The following RNPEP variants were observed in gnomAD, a reference collection of about 807,000 sequenced individuals.
RNPEP encodes arginyl aminopeptidase.
In RNPEP, 57 loss-of-function variants were observed where a neutral mutation model predicts 70.1. The observed-to-expected ratio is 0.81, with a 90% CI of 0.66 to 1.01. RNPEP has a LOEUF of 1.01. RNPEP is among the 50% of genes least tolerant of loss of function. The probability of loss-of-function intolerance (pLI) is 0.00; values close to 1 mark genes in which losing one functional copy is unlikely to be tolerated. For missense variants in RNPEP, 787 were observed against 852.4 expected, an observed-to-expected ratio of 0.92 and a Z score of 0.96; for synonymous variants, 335 against 357.4, an observed-to-expected ratio of 0.94 and a Z score of 0.71.
At chr1:201,994,069 C>T (rs570740633) in intron 3 of RNPEP, among the ~76,000 whole-genome samples, 1 of 152,258 alleles carries the variant, frequency 6.6e-6, no homozygotes, top group Non-Finnish European at 1.5e-5. Flanking sequence ...TCTTCTGCCC[C>T]CATTGACCCT....
intron 3 of RNPEP, among the ~76,000 whole-genome samples, chr1:201,991,407 G>T (rs6691786): frequency 3.9e-5 from 6 of 152,252 alleles, no homozygotes; most frequent in East Asian, 3.9e-4. Context: ...CCACCACGCC[G>T]GGCCGTGGGG....
chr1:202,003,163 C>G lies in RNPEP; in HGVS notation c.1427-74C>G, dbSNP rs768125784. On this transcript the variant is annotated intron_variant, in intron 8 of 10. Coordinates refer to ENST00000295640, the MANE Select transcript of RNPEP (RefSeq NM_020216.4). Reference sequence around the variant, plus strand: ...TGGAGAGAGGAGAAACTTGAGGTCTCTGGGAGTTGCTTAAACCAGTTGACC... The same window carrying G: ...TGGAGAGAGGAGAAACTTGAGGTCTGTGGGAGTTGCTTAAACCAGTTGACC... The G allele has an allele frequency of 9.5e-6, 10 of 1,052,864 alleles. No individual in the cohort carries two copies. In the South Asian group the frequency reaches 1.6e-4, roughly 16 times the overall value. The allele number at this position is 1,052,864 out of a possible 1,614,324, so 65.2% of individuals were successfully genotyped here. A position where few individuals can be genotyped will look rare whatever the true frequency, so the allele number is the denominator to read the frequency against.
At chr1:202,005,406 A>C in intron 10 of RNPEP, 152 bp from the exon 11 acceptor site, 1 of 784,460 alleles carries the variant, frequency 1.3e-6, no homozygotes, top group Middle Eastern at 3.9e-4. Flanking sequence ...GAATTAGAGC[A>C]CTTCTGATGA....
Position 202,003,442 on chromosome 1 carries a change from G to T in RNPEP, c.1632G>T (p.Gln544His). Residue 544 changes from glutamine (Q) to histidine (H), a missense_variant, in exon 9 of 11, where the codon CAG becomes CAT. Transcript: ENST00000295640. ...TCTACTTCCTGGATAAGATCCTCCA[G>T]AAATCCCCTCTCCCTCCTGGTAAGA... The part of the protein sequence containing the change: ...QLVYFLDKIL[Q>H]KSPLPPGNVK... 1 of 1,613,460 alleles carries T rather than the reference G, an allele frequency of 6.2e-7. No individual in the cohort carries two copies. The highest frequency in any genetic ancestry group is 8.5e-7 in the Non-Finnish European group (1 of 1,179,548).
chr1:202,002,165 C>CT (rs112152568), intron 8 of RNPEP, among the ~76,000 whole-genome samples: 37,065 of 138,036 alleles, frequency 0.27, 5,371 homozygotes, highest in South Asian at 0.5. Flanking sequence ...CTTTTCTTTT[C>CT]TTTTTTTTTT....
At chr1:201,990,227 T>A (rs2102966453) in intron 3 of RNPEP, among the ~76,000 whole-genome samples, 1 of 152,328 alleles carries the variant, frequency 6.6e-6, no homozygotes, top group East Asian at 1.9e-4. Context: ...TTGTACCAAA[T>A]CTTCCCCATT....
At chr1:202,000,893 TA>T (rs35891956) in intron 6 of RNPEP, 46,520 of 134,082 alleles carry the variant, frequency 0.35, 8,329 homozygotes, top group Admixed American at 0.43. Context: ...GACTCCGTCT[TA>T]AAAAAAAAAA....
At chr1:201,992,482 C>T (rs1182722230) in intron 3 of RNPEP, among the ~76,000 whole-genome samples, 1 of 152,112 alleles carries the variant, frequency 6.6e-6, no homozygotes, top group East Asian at 1.9e-4. Flanking sequence ...GCCCCTTGTC[C>T]TCATTCATCC....
At chr1:201,989,311 C>A in intron 2 of RNPEP, 72 bp from the exon 3 acceptor site, 2 of 1,549,588 alleles carry the variant, frequency 1.3e-6, no homozygotes, top group South Asian at 1.2e-5. Context: ...GGTGGCCGGT[C>A]ATGCTCTTAT....
intron 1 of RNPEP, among the ~76,000 whole-genome samples, chr1:201,984,562 C>T (rs1375430471): frequency 6.6e-6 from 1 of 152,072 alleles, no homozygotes; most frequent in African/African-American, 2.4e-5. Flanking sequence ...CCTTTCACAG[C>T]CTGATAACAC....
intron 1 of RNPEP, among the ~76,000 whole-genome samples, chr1:201,987,230 C>G (rs1416934448): frequency 2.6e-5 from 4 of 152,090 alleles, no homozygotes; most frequent in Non-Finnish European, 2.9e-5. Flanking sequence ...CCAGCCATCT[C>G]AATCCTGCGT....
At chr1:202,001,333 A>G (rs374418069) in intron 6 of RNPEP, 43 bp from the exon 7 acceptor site, 2 of 1,339,062 alleles carry the variant, frequency 1.5e-6, no homozygotes, top group African/African-American at 2.9e-5. Flanking sequence ...TACGGGTGAC[A>G]GGCTACAAAA....
rs1683956436 is a variant in RNPEP at position 202,004,202 on chromosome 1, A to AT, written c.1652-147dup. The AT allele has an allele frequency of 8.8e-6, 7 of 793,012 alleles. No individual in the cohort carries two copies. In the South Asian group the frequency reaches 1.3e-4, roughly 15 times the overall value. 49.1% of individuals were successfully genotyped at this position (793,012 alleles called of 1,614,324 possible). ...CCACACCCGGCCAGTTTTGTTTGGT[A>AT]TTTTTAGTAGAGATGGGGTTTCGCC... On this transcript the variant is annotated intron_variant, in intron 9 of 10. Transcript: ENST00000295640.
intron 3 of RNPEP, among the ~76,000 whole-genome samples, chr1:201,993,758 A>G (rs10449263): frequency 0.035 from 5,353 of 152,194 alleles, 305 homozygotes; most frequent in African/African-American, 0.12. Context: ...CAGCCTGGGC[A>G]ACAGAGCAAG....
At chr1:202,004,304 A>G in intron 9 of RNPEP, 50 bp from the exon 10 acceptor site, 1 of 1,603,618 alleles carries the variant, frequency 6.2e-7, no homozygotes, top group Non-Finnish European at 8.5e-7. Flanking sequence ...CTAGTATTAC[A>G]GGTGTGACCC....
intron 1 of RNPEP, chr1:201,983,334 C>T: frequency 6.8e-7 from 1 of 1,467,500 alleles, no homozygotes; most frequent in Non-Finnish European, 9.0e-7. Flanking sequence ...CCTCCAGCCA[C>T]TGGGCGGTGC....
At position 201,983,345 on chromosome 1, in the gene RNPEP, A is replaced by G. The variant is rs533147830; in HGVS notation, c.447+232A>G. ...ACTTCCTCCAGCCACTGGGCGGTGCATCCTTCACCCTTTCCGTCCTTCCGC... is the reference window on the plus strand; with the variant it reads ...ACTTCCTCCAGCCACTGGGCGGTGCGTCCTTCACCCTTTCCGTCCTTCCGC... On this transcript the variant is annotated intron_variant, in intron 1 of 10. Transcript: ENST00000295640. 1.3e-5 allele frequency: 19 copies of G among 1,482,642 alleles called. No individual in the cohort carries two copies. The South Asian group carries it at 2.6e-4, about 20-fold the overall frequency. 91.8% of individuals were successfully genotyped at this position (1,482,642 alleles called of 1,614,324 possible). A position where few individuals can be genotyped will look rare whatever the true frequency, so the allele number is the denominator to read the frequency against.
At chr1:202,002,381 C>T (rs955688269) in intron 8 of RNPEP, among the ~76,000 whole-genome samples, 8 of 152,162 alleles carry the variant, frequency 5.3e-5, no homozygotes, top group African/African-American at 1.2e-4. Flanking sequence ...AGGCTGGTCT[C>T]GAACTCCTGA....
intron 3 of RNPEP, among the ~76,000 whole-genome samples, chr1:201,994,959 C>T (rs1431503229): frequency 1.3e-5 from 2 of 150,098 alleles, no homozygotes; most frequent in Non-Finnish European, 3.0e-5. Context: ...GGATTACAGA[C>T]ATGAGCCACC....
Sources: gnomAD v4.1 joint callset for allele counts (sites outside exome capture counted in the v4.1 genomes callset) on GRCh38, gnomAD v4.1.1 for gene constraint, MANE v1.5 for transcripts, NCBI Gene and HGNC (gene_info 2026-07-23, HGNC 2026-07-21) for gene names.